LYRM4: variants seen among roughly 807,000 people sequenced by gnomAD.
LYRM4 encodes the protein LYR motif containing 4, also known as LYR motif-containing protein 4.
In LYRM4, 9 loss-of-function variants were observed where a neutral mutation model predicts 11.7. The ratio of observed to expected loss-of-function variants is 0.77; its 90% CI spans 0.46 to 1.34. LYRM4 has a LOEUF of 1.34. Ranked by LOEUF, LYRM4 falls within the 40% of genes most tolerant of loss-of-function variation. LYRM4 has a pLI of 0.00. For missense variants in LYRM4, 133 were observed against 112.5 expected, an observed-to-expected ratio of 1.18 and a Z score of -0.82; for synonymous variants, 42 against 40.4, an observed-to-expected ratio of 1.04 and a Z score of -0.15.
intron 2 of LYRM4, among the ~76,000 whole-genome samples, chr6:5,145,032 A>C (rs901260639): frequency 6.6e-6 from 1 of 152,082 alleles, no homozygotes; most frequent in African/African-American, 2.4e-5. Context: ...TTGAGAGGTA[A>C]AAGGGCAGGC....
chr6:5,041,786 T>C, the LYRM4 span, among the ~76,000 whole-genome samples: 8,407 of 152,322 alleles, frequency 0.055, 763 homozygotes, highest in African/African-American at 0.19. Flanking sequence ...TTCTGCTTCT[T>C]GTAATTCATC....
chr6:5,086,645 C>A, the LYRM4 span: 1 of 1,187,348 alleles, frequency 8.4e-7, no homozygotes, highest in Non-Finnish European at 1.1e-6. Flanking sequence ...CTTGCTGGGA[C>A]GCTTTGCTGA....
At chr6:5,138,487 C>CAAAAAAAAAAAAAAAAAAAAAAA (rs765741377) in intron 2 of LYRM4, among the ~76,000 whole-genome samples, 1 of 49,682 alleles carries the variant, frequency 2.0e-5, no homozygotes, top group African/African-American at 8.3e-5. Context: ...ACCCTGTCTC[C>CAAAAAAAAAAAAAAAAAAAAAAA]AAAAAAAAAA....
chr6:5,061,327 C>T, the LYRM4 span, among the ~76,000 whole-genome samples: 1 of 152,190 alleles, frequency 6.6e-6, no homozygotes, highest in African/African-American at 2.4e-5. Context: ...GCCTGCCTGT[C>T]AGTCAATAGT....
intron 2 of LYRM4, among the ~76,000 whole-genome samples, chr6:5,202,989 G>A (rs766665551): frequency 2.0e-5 from 3 of 152,228 alleles, no homozygotes; most frequent in African/African-American, 4.8e-5. Context: ...AGGAGAGAAC[G>A]ACATACAACA....
intron 1 of LYRM4, among the ~76,000 whole-genome samples, chr6:5,246,324 A>C (rs577823889): frequency 6.6e-6 from 1 of 152,314 alleles, no homozygotes; most frequent in Non-Finnish European, 1.5e-5. Flanking sequence ...TCCAGAAACC[A>C]CATGGCGCCA....
At chr6:5,206,453 G>T (rs1377306625) in intron 2 of LYRM4, among the ~76,000 whole-genome samples, 3 of 152,184 alleles carry the variant, frequency 2.0e-5, no homozygotes, top group African/African-American at 7.2e-5. Context: ...TCTAATGAAA[G>T]AAACCCCAAG....
chr6:5,257,564 G>C (rs1302788331), intron 1 of LYRM4, among the ~76,000 whole-genome samples: 1 of 152,196 alleles, frequency 6.6e-6, no homozygotes, highest in Non-Finnish European at 1.5e-5. Flanking sequence ...TGGCCTGTTA[G>C]GAACCGGGCC....
chr6:5,189,522 A>T (rs1490255941), intron 2 of LYRM4, among the ~76,000 whole-genome samples: 1 of 152,256 alleles, frequency 6.6e-6, no homozygotes, highest in Non-Finnish European at 1.5e-5. Flanking sequence ...TCTGAAGGCC[A>T]GTAAGCCACT....
chr6:5,070,967 G>A, the LYRM4 span, among the ~76,000 whole-genome samples: 3 of 151,852 alleles, frequency 2.0e-5, no homozygotes, highest in South Asian at 4.2e-4. Flanking sequence ...TGAGGTGGAC[G>A]GATCGCGAGG....
chr6:5,135,862 CTT>C (rs2127618033), intron 2 of LYRM4, among the ~76,000 whole-genome samples: 1 of 152,308 alleles, frequency 6.6e-6, no homozygotes, highest in East Asian at 1.9e-4. Context: ...TCTCCAGAAT[CTT>C]TTCATTTTCC....
chr6:5,237,094 T>C (rs1338574000), intron 1 of LYRM4, among the ~76,000 whole-genome samples: 2 of 152,222 alleles, frequency 1.3e-5, no homozygotes, highest in Non-Finnish European at 2.9e-5. Flanking sequence ...AGAGCTTGTA[T>C]GGGAGTGTAA....
At chr6:5,092,236 G>A in the LYRM4 span, among the ~76,000 whole-genome samples, 2 of 152,138 alleles carry the variant, frequency 1.3e-5, no homozygotes, top group African/African-American at 4.8e-5. Flanking sequence ...CCCTTAAAGG[G>A]ATTGCCTTGC....
chr6:5,061,667 G>A, the LYRM4 span, among the ~76,000 whole-genome samples: 6 of 152,108 alleles, frequency 3.9e-5, no homozygotes, highest in Non-Finnish European at 7.4e-5. Context: ...ACACAAAACC[G>A]ATCCATGACC....
At chr6:5,260,598 T>TCCCCCGC in intron 1 of LYRM4, 50 bp downstream of exon 1, 1 of 1,105,570 alleles carries the variant, frequency 9.0e-7, no homozygotes, top group South Asian at 1.3e-5. Context: ...GCACCCCCGG[T>TCCCCCGC]CCCCGGCCCC....
At chr6:5,199,064 C>T (rs546912500) in intron 2 of LYRM4, among the ~76,000 whole-genome samples, 2 of 152,168 alleles carry the variant, frequency 1.3e-5, no homozygotes, top group African/African-American at 4.8e-5. Context: ...AGTATATATA[C>T]AAGAGGAATG....
At chr6:5,155,930 G>C (rs1204786497) in intron 2 of LYRM4, among the ~76,000 whole-genome samples, 1 of 152,216 alleles carries the variant, frequency 6.6e-6, no homozygotes. Context: ...AACAGGCAGA[G>C]AGAAACATCT....
At chr6:5,234,146 ACT>A (rs1275137229) in intron 1 of LYRM4, among the ~76,000 whole-genome samples, 2 of 152,132 alleles carry the variant, frequency 1.3e-5, no homozygotes, top group African/African-American at 2.4e-5. Context: ...AAAATAAAAA[ACT>A]CTCATTCTTG....
At chr6:5,037,622 G>A in the LYRM4 span, among the ~76,000 whole-genome samples, 4 of 70,778 alleles carry the variant, frequency 5.7e-5, no homozygotes, top group East Asian at 8.7e-4. Flanking sequence ...GGACGGGGCG[G>A]CTGGCCGGGC....
Sources: gnomAD v4.1 joint callset for allele counts (sites outside exome capture counted in the v4.1 genomes callset) on GRCh38, gnomAD v4.1.1 for gene constraint, MANE v1.5 for transcripts, NCBI Gene and HGNC (gene_info 2026-07-23, HGNC 2026-07-21) for gene names.